SESTD1: variants seen among roughly 807,000 people sequenced by gnomAD.
SESTD1 encodes SEC14 and spectrin domain containing 1.
In SESTD1, 43 loss-of-function variants were observed where a neutral mutation model predicts 101.7. That is an observed-to-expected ratio of 0.42 (90% CI 0.33 to 0.55). The LOEUF is 0.55. Ranked by LOEUF, SESTD1 falls within the 20% of genes least tolerant of loss-of-function variation. The pLI is 0.07. For synonymous variants in SESTD1, 283 were observed against 286.8 expected (o/e 0.99, Z 0.13); for missense variants, 647 against 815.1 (o/e 0.79, Z 2.51).
chr2:179,126,073 T>C (rs2154394148), intron 10 of SESTD1, among the ~76,000 whole-genome samples: 1 of 152,354 alleles, frequency 6.6e-6, no homozygotes, highest in South Asian at 2.1e-4. Flanking sequence ...TAAGCTGTAA[T>C]TTATTAAACA....
intron 5 of SESTD1, among the ~76,000 whole-genome samples, chr2:179,168,637 C>T (rs1320870633): frequency 6.6e-6 from 1 of 152,124 alleles, no homozygotes; most frequent in East Asian, 1.9e-4. Context: ...CTGCAAGATA[C>T]ATTAAAAGAA....
At chr2:179,132,015 ATTT>A (rs761220900) in intron 10 of SESTD1, 6 of 201,612 alleles carry the variant, frequency 3.0e-5, no homozygotes, top group Non-Finnish European at 4.9e-5. Context: ...TGAAAGCTCT[ATTT>A]TTGTATTATC....
chr2:179,125,515 C>T (rs889836641), intron 10 of SESTD1, among the ~76,000 whole-genome samples: 3 of 152,172 alleles, frequency 2.0e-5, no homozygotes, highest in Admixed American at 6.5e-5. Context: ...AGGTGGATAG[C>T]GCTCTCTCTC....
intron 1 of SESTD1, among the ~76,000 whole-genome samples, chr2:179,251,274 G>A (rs1343003211): frequency 6.6e-6 from 1 of 152,208 alleles, no homozygotes; most frequent in African/African-American, 2.4e-5. Context: ...CAGTGGGTGA[G>A]AAGGAACTGG....
chr2:179,217,192 A>G (rs1270658756), intron 1 of SESTD1, among the ~76,000 whole-genome samples: 3 of 152,254 alleles, frequency 2.0e-5, no homozygotes, highest in African/African-American at 7.2e-5. Context: ...CAGAGTGAAC[A>G]GGCAAACTAC....
intron 10 of SESTD1, among the ~76,000 whole-genome samples, chr2:179,128,446 T>C (rs2044929228): frequency 6.6e-6 from 1 of 152,102 alleles, no homozygotes; most frequent in Non-Finnish European, 1.5e-5. Context: ...AACGGGTATG[T>C]ACGGCCGGGC....
chr2:179,162,140 C>T (rs929280144), intron 5 of SESTD1, among the ~76,000 whole-genome samples: 7 of 152,124 alleles, frequency 4.6e-5, no homozygotes, highest in African/African-American at 1.7e-4. Context: ...TAGAGAAAGT[C>T]ACCAAACTGA....
At chr2:179,158,600 A>C (rs1233613201) in intron 5 of SESTD1, among the ~76,000 whole-genome samples, 2 of 152,202 alleles carry the variant, frequency 1.3e-5, no homozygotes, top group Admixed American at 6.5e-5. Context: ...TCCTTTAATC[A>C]AAATAATTTT....
chr2:179,220,488 A>C (rs1159553265), intron 1 of SESTD1, among the ~76,000 whole-genome samples: 1 of 152,084 alleles, frequency 6.6e-6, no homozygotes, highest in African/African-American at 2.4e-5. Flanking sequence ...AGTATCCCCT[A>C]TGGCTAGGAC....
chr2:179,218,106 G>A (rs1254731246), intron 1 of SESTD1, among the ~76,000 whole-genome samples: 1 of 152,074 alleles, frequency 6.6e-6, no homozygotes, highest in Non-Finnish European at 1.5e-5. Context: ...TTGTGCACAT[G>A]TACCCTAGAA....
chr2:179,132,316 C>T lies in SESTD1; in HGVS notation c.960G>A (p.Glu320=). The change falls in exon 10 of 18, where the codon GAG becomes GAA. Residue 320 remains glutamate, a synonymous_variant. Transcript: ENST00000428443. ...QALQQKHEEI[E]SQHSEWFAVY... is the part of the protein sequence containing the mutation. ...AAAAGCCTCTCACACTGTGCTGGCT[C>T]TCAATCTCTTCGTGTTTCTGCTGTA... is the stretch of plus-strand genomic sequence containing the variant. 1 of 1,553,538 alleles carries T rather than the reference C, an allele frequency of 6.4e-7. No individual in the cohort carries two copies. Among genetic ancestry groups the T allele is most frequent in the Non-Finnish European group, 8.6e-7 (1 of 1,162,192 alleles).
chr2:179,249,483 A>G (rs1217419337), intron 1 of SESTD1, among the ~76,000 whole-genome samples: 3 of 152,208 alleles, frequency 2.0e-5, no homozygotes, highest in African/African-American at 7.2e-5. Context: ...TGTATGCTGG[A>G]AACTACAAAA....
Position 179,214,273 on chromosome 2 carries a change from G to A in SESTD1, c.-25-22407C>T, listed in dbSNP as rs529133397. Among the ~76,000 whole-genome samples the A allele has an allele frequency of 1.2e-3, 160 of 134,002 alleles. 37 individuals are homozygous for A. Among genetic ancestry groups the A allele is most frequent in the Non-Finnish European group, 2.0e-3 (128 of 62,582 alleles). The allele number at this position is 134,002 out of a possible 152,430, so 87.9% of individuals were successfully genotyped here. A position where few individuals can be genotyped will look rare whatever the true frequency, so the allele number is the denominator to read the frequency against. On this transcript the variant is annotated intron_variant, in intron 1 of 17. Transcript: ENST00000428443. ...GAGGCACACATAGGCTCAAAATAAA[G>A]GGATGGAGGAAGATCTACTAAGCAA...
At chr2:179,199,130 C>G (rs1226310738) in intron 1 of SESTD1, among the ~76,000 whole-genome samples, 2 of 152,002 alleles carry the variant, frequency 1.3e-5, no homozygotes, top group Non-Finnish European at 2.9e-5. Flanking sequence ...GAAATCACCA[C>G]CGATCCCACA....
At chr2:179,260,982 A>C (rs1218678513) in intron 1 of SESTD1, among the ~76,000 whole-genome samples, 1 of 152,222 alleles carries the variant, frequency 6.6e-6, no homozygotes, top group Admixed American at 6.5e-5. Context: ...AGGAGTGAAG[A>C]AGGGGAAAAA....
chr2:179,121,716 T>G (rs1291424107), intron 13 of SESTD1, 54 bp downstream of exon 13: 1 of 1,441,928 alleles, frequency 6.9e-7, no homozygotes, highest in Non-Finnish European at 9.2e-7. Context: ...ATAACTTCAT[T>G]TTAACTAATA....
chr2:179,200,917 C>A lies in SESTD1; in HGVS notation c.-25-9051G>T, dbSNP rs924739158. 1.5e-5 allele frequency among the ~76,000 whole-genome samples: 2 copies of A among 134,224 alleles called. 1 individual carries two copies. The highest frequency in any genetic ancestry group is 5.9e-5 in the African/African-American group (2 of 33,804). 88.1% of individuals were successfully genotyped at this position (134,224 alleles called of 152,430 possible). Reference sequence around the variant, plus strand: ...CAATGGCAACAAAAGACAAAATTGACAAATGGGATCTAATTAAACTCAAGA... The same window carrying A: ...CAATGGCAACAAAAGACAAAATTGAAAAATGGGATCTAATTAAACTCAAGA... On this transcript the variant is annotated intron_variant, in intron 1 of 17. Coordinates refer to ENST00000428443, the MANE Select transcript of SESTD1 (RefSeq NM_178123.5).
At chr2:179,110,114 T>TA (rs1364362897) in intron 17 of SESTD1, 86 bp from the exon 18 acceptor site, 16 of 1,362,316 alleles carry the variant, frequency 1.2e-5, no homozygotes, top group African/African-American at 7.2e-5. Context: ...AAATTTACCA[T>TA]AAAAAATCTA....
intron 5 of SESTD1, among the ~76,000 whole-genome samples, chr2:179,171,112 T>A (rs1373090059): frequency 6.6e-6 from 1 of 152,174 alleles, no homozygotes; most frequent in African/African-American, 2.4e-5. Context: ...ATAGGGGAAT[T>A]CTGGGGGTGA....
Sources: allele counts gnomAD v4.1 joint callset (sites outside exome capture counted in the v4.1 genomes callset), GRCh38; gene constraint gnomAD v4.1.1; transcripts MANE v1.5; gene names NCBI Gene and HGNC (gene_info 2026-07-23, HGNC 2026-07-21).